The following COLGALT1 variants were observed in gnomAD, a reference collection of about 807,000 sequenced individuals.
COLGALT1 encodes procollagen galactosyltransferase 1.
In COLGALT1, 43 loss-of-function variants were observed where a neutral mutation model predicts 60.8. The observed-to-expected ratio is 0.71, with a 90% CI of 0.55 to 0.91. The LOEUF is 0.91. Among genes scored for constraint, COLGALT1 ranks in the 40% least tolerant of loss-of-function variants. The pLI is 0.00. For missense variants in COLGALT1, 845 were observed against 880.0 expected (o/e 0.96, Z 0.50); for synonymous variants, 369 against 374.2 (o/e 0.99, Z 0.16).
chr19:17,574,939 C>T (rs1050734546), intron 6 of COLGALT1, among the ~76,000 whole-genome samples: 6 of 152,216 alleles, frequency 3.9e-5, no homozygotes, highest in Non-Finnish European at 7.3e-5. Flanking sequence ...TCACTGCAGC[C>T]TCAACCTCCT....
rs1286351396 is a variant in COLGALT1 at position 17,555,732 on chromosome 19, G to C, written c.19G>C (p.Ala7Pro). The C allele has an allele frequency of 1.7e-6, 2 of 1,200,106 alleles. No individual in the cohort carries two copies. The highest frequency in any genetic ancestry group is 2.1e-6 in the Non-Finnish European group (2 of 968,488). The allele number at this position is 1,200,106 out of a possible 1,614,324, so 74.3% of individuals were successfully genotyped here. Residue 7 changes from alanine (A) to proline (P), a missense_variant, in exon 1 of 12, where the codon GCG (alanine) becomes CCG (proline). By Grantham distance (27) the Ala-to-Pro change is conservative. Coordinates refer to ENST00000252599, the MANE Select transcript of COLGALT1 (RefSeq NM_024656.4). ...TGGCGCGATGGCGGCGGCCCCACGC[G>C]CGGGCCGGCGGCGCGGGCAGCCGCT... is the stretch of plus-strand genomic sequence containing the variant. MAAAPR[A>P]GRRRGQPLLA... is the part of the protein sequence containing the mutation.
intron 2 of COLGALT1, among the ~76,000 whole-genome samples, chr19:17,560,028 G>A (rs897036210): frequency 5.3e-5 from 8 of 152,106 alleles, no homozygotes; most frequent in Non-Finnish European, 8.8e-5. Flanking sequence ...GGCCTCAAGC[G>A]ATCCTCCCAC....
At chr19:17,569,760 G>C (rs911326220) in intron 5 of COLGALT1, among the ~76,000 whole-genome samples, 3 of 151,824 alleles carry the variant, frequency 2.0e-5, no homozygotes, top group Non-Finnish European at 2.9e-5. Flanking sequence ...TTCTACAGTT[G>C]AGCATATATT....
rs2076207994 is a variant in COLGALT1, at chr19:17,555,916, C to G, written c.203C>G (p.Pro68Arg). The G allele has an allele frequency of 2.1e-6, 3 of 1,400,504 alleles. No individual in the cohort carries two copies. Among genetic ancestry groups the G allele is most frequent in the Admixed American group, 6.2e-5 (2 of 32,384 alleles). The allele number at this position is 1,400,504 out of a possible 1,614,324, so 86.8% of individuals were successfully genotyped here. A position where few individuals can be genotyped will look rare whatever the true frequency, so the allele number is the denominator to read the frequency against. Residue 68 changes from proline (P) to arginine (R), a missense_variant, in exon 1 of 12, where the codon CCC (proline) becomes CGC (arginine). Pro to Arg is a moderately radical substitution (Grantham distance 103, BLOSUM62 -2). Transcript: ENST00000252599. ...LLARNAAHALPTTLGALERLR... is the reference protein window; with the variant it reads ...LLARNAAHALRTTLGALERLR... The stretch of plus-strand genomic sequence containing the variant: ...GCGCGAAACGCGGCCCACGCGTTGC[C>G]CACCACGCTGGGCGCACTCGAGCGG...
chr19:17,570,121 T>C (rs1450327405), intron 5 of COLGALT1, among the ~76,000 whole-genome samples: 2 of 151,442 alleles, frequency 1.3e-5, no homozygotes, highest in African/African-American at 4.8e-5. Flanking sequence ...TCTTGATCTC[T>C]TGACCTTGTG....
intron 1 of COLGALT1, among the ~76,000 whole-genome samples, chr19:17,556,332 T>C (rs1884933678): frequency 6.6e-6 from 1 of 152,064 alleles, no homozygotes; most frequent in South Asian, 2.1e-4. Context: ...GGGCTCTAAC[T>C]CCCTCTGGGG....
At chr19:17,559,559 C>G in intron 2 of COLGALT1, 138 bp downstream of exon 2, 1 of 670,466 alleles carries the variant, frequency 1.5e-6, no homozygotes, top group Non-Finnish European at 2.7e-6. Context: ...TTAAGCTACT[C>G]TGAGCCTCCC....
In COLGALT1 at chr19:17,581,286, A is replaced by G. The variant is rs752270162; in HGVS notation, c.1711A>G (p.Thr571Ala). The part of the protein sequence containing the change: ...YTGDDGYVSD[T>A]ETSVVWNNEH... ...AGGAGACGATGGCTATGTGAGTGAC[A>G]CCGAGACCTCAGTCGTATGGAACAA... is the stretch of plus-strand genomic sequence containing the variant. The change falls in exon 12 of 12, where the codon ACC (threonine) becomes GCC (alanine). Residue 571 changes from threonine (T) to alanine (A), a missense_variant. By Grantham distance (58) the Thr-to-Ala change is moderately conservative. Transcript: ENST00000252599. The G allele has an allele frequency of 6.2e-7, 1 of 1,612,716 alleles. No individual in the cohort carries two copies. The highest frequency in any genetic ancestry group is 8.5e-7 in the Non-Finnish European group (1 of 1,179,984).
At chr19:17,568,455 C>T in intron 4 of COLGALT1, 54 bp from the exon 5 acceptor site, 1 of 1,471,470 alleles carries the variant, frequency 6.8e-7, no homozygotes, top group Non-Finnish European at 9.5e-7. Context: ...TATCACGGGT[C>T]TCCATCCTCA....
intron 8 of COLGALT1, 122 bp downstream of exon 8, chr19:17,577,589 C>A (rs779249432): frequency 2.3e-6 from 2 of 860,516 alleles, no homozygotes; most frequent in South Asian, 3.6e-5. Context: ...ATGTAGACCT[C>A]GTCAGTGGGC....
intron 2 of COLGALT1, among the ~76,000 whole-genome samples, chr19:17,559,667 C>T (rs2076236804): frequency 6.6e-6 from 1 of 152,188 alleles, no homozygotes; most frequent in Non-Finnish European, 1.5e-5. Context: ...TCTGGGGACG[C>T]CCACTGCTTT....
intron 3 of COLGALT1, among the ~76,000 whole-genome samples, chr19:17,566,960 A>C (rs2076282775): frequency 6.6e-6 from 1 of 152,098 alleles, no homozygotes; most frequent in Non-Finnish European, 1.5e-5. Context: ...TTAAAAATAC[A>C]AAAAGTTACC....
rs8090 is a variant in COLGALT1, at chr19:17,582,871, G to A, written c.*1427G>A. ...GGCTGGGTGTCCCTGGCCCACTCCCGGTCCCCTGTGCTTTACCTCCTTGCC... is the reference window on the plus strand; with the variant it reads ...GGCTGGGTGTCCCTGGCCCACTCCCAGTCCCCTGTGCTTTACCTCCTTGCC... On this transcript the variant is annotated 3_prime_UTR_variant, in exon 12 of 12. Coordinates refer to ENST00000252599, the MANE Select transcript of COLGALT1 (RefSeq NM_024656.4). 60,822 of 152,316 alleles carry A rather than the reference G, an allele frequency of 0.4. 13,138 individuals carry two copies. Among genetic ancestry groups the A allele is most frequent in the Middle Eastern group, 0.49 (145 of 294 alleles). 9.4% of individuals were successfully genotyped at this position (152,316 alleles called of 1,614,324 possible).
intron 3 of COLGALT1, among the ~76,000 whole-genome samples, chr19:17,564,021 A>G (rs1283473896): frequency 6.6e-6 from 1 of 151,250 alleles, no homozygotes; most frequent in Non-Finnish European, 1.5e-5. Context: ...GGATCATTTG[A>G]GGTCAGGAGT....
intron 5 of COLGALT1, among the ~76,000 whole-genome samples, chr19:17,570,328 C>T (rs903911448): frequency 2.0e-5 from 3 of 152,092 alleles, no homozygotes; most frequent in Non-Finnish European, 2.9e-5. Context: ...CAGCCTCAAC[C>T]TCCTGGGCTC....
chr19:17,567,478 G>T lies in COLGALT1; in HGVS notation c.562G>T (p.Val188Phe). 1.2e-6 allele frequency: 2 copies of T among 1,614,150 alleles called. No individual in the cohort carries two copies. Among genetic ancestry groups the T allele is most frequent in the Non-Finnish European group, 1.7e-6 (2 of 1,180,000 alleles). Residue 188 changes from valine (V) to phenylalanine (F), a missense_variant, in exon 4 of 12, where the codon GTC becomes TTC. Val to Phe is a conservative substitution (Grantham distance 50). Transcript: ENST00000252599. ...GCTCATCGCTGAGAACAAGACGGTG[G>T]TCGCCCCCATGCTGGATTCCCGGGC... ...SLLIAENKTV[V>F]APMLDSRAAY...
chr19:17,556,438 T>G, intron 1 of COLGALT1: 1 of 619,998 alleles, frequency 1.6e-6, no homozygotes, highest in Non-Finnish European at 2.0e-6. Flanking sequence ...GCTGCTGCCC[T>G]TAAGCTTGAA....
At chr19:17,570,371 C>T (rs1361283263) in intron 5 of COLGALT1, among the ~76,000 whole-genome samples, 1 of 151,964 alleles carries the variant, frequency 6.6e-6, no homozygotes, top group Non-Finnish European at 1.5e-5. Context: ...TCCAGACTGG[C>T]TGGGGCTATA....
chr19:17,565,213 T>A (rs2076273551), intron 3 of COLGALT1, among the ~76,000 whole-genome samples: 1 of 152,052 alleles, frequency 6.6e-6, no homozygotes, highest in Non-Finnish European at 1.5e-5. Context: ...TGCAGTGCAG[T>A]GGCACGATCT....
Sources: allele counts gnomAD v4.1 joint callset (sites outside exome capture counted in the v4.1 genomes callset), GRCh38; gene constraint gnomAD v4.1.1; transcripts MANE v1.5; gene names NCBI Gene and HGNC (gene_info 2026-07-23, HGNC 2026-07-21).